Variants in MGST1 observed in about 807,000 individuals in gnomAD.
The protein encoded by MGST1 is microsomal glutathione S-transferase 1.
A neutral mutation model predicts 8.9 loss-of-function variants in MGST1; 5 were observed. That is an observed-to-expected ratio of 0.56 (90% CI 0.29 to 1.19). The LOEUF (loss-of-function observed/expected upper bound fraction) is 1.19. Among genes scored for constraint, MGST1 ranks in the 50% most tolerant of loss-of-function variants. The probability of loss-of-function intolerance (pLI) is 0.08; values close to 1 mark genes in which losing one functional copy is unlikely to be tolerated. For missense variants in MGST1, 182 were observed against 187.4 expected (o/e 0.97, Z 0.17); for synonymous variants, 54 against 67.8 (o/e 0.80, Z 1.00).
At position 16,363,789 on chromosome 12, in the gene MGST1, C is replaced by G. The variant is rs1346127192; in HGVS notation, c.222-6C>G. The G allele has an allele frequency of 1.3e-6, 2 of 1,584,014 alleles. No individual in the cohort carries two copies. The highest frequency in any genetic ancestry group is 1.7e-6 in the Non-Finnish European group (2 of 1,159,650). On this transcript the variant is annotated splice_polypyrimidine_tract_variant and splice_region_variant and intron_variant, in intron 3 of 3. Transcript: ENST00000396210. The surrounding 1 kb of genome is among the most constrained non-coding windows in gnomAD (Gnocchi z 4.6). ...TAGTGTCTTTAATAGTTATCTTTTTCCACAGAGCCCACCTGAATGACCTTG... is the reference window on the plus strand; with the variant it reads ...TAGTGTCTTTAATAGTTATCTTTTTGCACAGAGCCCACCTGAATGACCTTG...
At chr12:16,433,456 G>A (rs1347989717) in intron 1 of MGST1, among the ~76,000 whole-genome samples, 1 of 152,090 alleles carries the variant, frequency 6.6e-6, no homozygotes, top group Admixed American at 6.6e-5. Context: ...CACAGGAAGA[G>A]CTCATGTTTC....
At chr12:16,394,532 TTC>T (rs756002081) in intron 1 of MGST1, among the ~76,000 whole-genome samples, 30 of 71,162 alleles carry the variant, frequency 4.2e-4, no homozygotes, top group East Asian at 1.3e-3. Context: ...CTTTCTTTCT[TTC>T]TTTCTTTCTT....
intron 1 of MGST1, chr12:16,348,815 AAAAAAAG>A (rs1438503951): frequency 2.2e-4 from 33 of 152,134 alleles, no homozygotes; most frequent in African/African-American, 7.7e-4. Context: ...AAAAAAAAAA[AAAAAAAG>A]GCAAATCAGT....
chr12:16,573,235 T>A (rs1268611280), intron 4 of MGST1, among the ~76,000 whole-genome samples: 1 of 151,648 alleles, frequency 6.6e-6, no homozygotes, highest in Non-Finnish European at 1.5e-5. Context: ...TATTTGGGGG[T>A]TTAGAGAGAA....
chr12:16,443,895 C>A (rs891068122), intron 4 of MGST1, among the ~76,000 whole-genome samples: 1 of 151,912 alleles, frequency 6.6e-6, no homozygotes, highest in Non-Finnish European at 1.5e-5. Flanking sequence ...GAATTCAAAT[C>A]CATAACAAGA....
intron 1 of MGST1, among the ~76,000 whole-genome samples, chr12:16,406,471 A>G (rs1290341369): frequency 6.6e-6 from 1 of 152,268 alleles, no homozygotes; most frequent in African/African-American, 2.4e-5. Flanking sequence ...CAATATCATT[A>G]AAATGACCAT....
At chr12:16,377,253 G>A (rs556813136), downstream of MGST1, 11 of 150,464 alleles carry the variant, frequency 7.3e-5, no homozygotes, top group East Asian at 2.0e-4. Flanking sequence ...CCATTAACTC[G>A]TCATTTAGCA....
intron 1 of MGST1, among the ~76,000 whole-genome samples, chr12:16,420,585 G>A (rs1940826613): frequency 6.6e-6 from 1 of 152,154 alleles, no homozygotes; most frequent in Admixed American, 6.5e-5. Flanking sequence ...GCAGAGCTGA[G>A]TTGTGATGCA....
In MGST1 at chr12:16,513,778, T is replaced by C. The variant is rs1941592646; in HGVS notation, n.483-75750T>C. 10 of 591,792 alleles carry C rather than the reference T, an allele frequency of 1.7e-5. No individual in the cohort carries two copies. In the Admixed American group the frequency reaches 1.9e-4, roughly 11 times the overall value. 36.7% of individuals were successfully genotyped at this position (591,792 alleles called of 1,614,324 possible). ...CCGGTTTGTCACTGTGCAGACCATT[T>C]CTGGAACTAGTGCCTTAAGGATCAG... On this transcript the variant is annotated intron_variant and non_coding_transcript_variant, in intron 4 of 4. Coordinates refer to the MGST1 transcript ENST00000538857. The surrounding 1 kb of genome is among the most constrained non-coding windows in gnomAD (Gnocchi z 4.2).
rs1824937755 is a variant in MGST1 at position 16,575,761 on chromosome 12, CTTAAAGATCACT to C, written n.483-13764_483-13753del. 2.0e-5 allele frequency among the ~76,000 whole-genome samples: 3 copies of C among 152,294 alleles called. No individual in the cohort carries two copies. The South Asian group carries it at 6.2e-4, about 32-fold the overall frequency. On this transcript the variant is annotated intron_variant and non_coding_transcript_variant, in intron 4 of 4. Coordinates refer to the MGST1 transcript ENST00000538857. Reference sequence around the variant, plus strand: ...CCTCAGAGGCTATTCACTACTACCTCTTAAAGATCACTTTTCATGTCCTGACCTGTAGGAAGT... The same window carrying C: ...CCTCAGAGGCTATTCACTACTACCTCTTTCATGTCCTGACCTGTAGGAAGT...
chr12:16,462,555 C>CTAA (rs1941228739), intron 4 of MGST1, among the ~76,000 whole-genome samples: 1 of 151,288 alleles, frequency 6.6e-6, no homozygotes, highest in African/African-American at 2.4e-5. Context: ...TTTACCCCCC[C>CTAA]AAAAAAAACT....
chr12:16,441,638 C>T (rs1264670028), downstream of MGST1, among the ~76,000 whole-genome samples: 4 of 151,650 alleles, frequency 2.6e-5, no homozygotes, highest in Non-Finnish European at 5.9e-5. Context: ...ATTTTAGTGT[C>T]CTCCGTGTCT....
chr12:16,521,084 T>A (rs1565468630), intron 4 of MGST1, among the ~76,000 whole-genome samples: 1 of 152,140 alleles, frequency 6.6e-6, no homozygotes, highest in Non-Finnish European at 1.5e-5. Flanking sequence ...AGCACGCAAT[T>A]GATTACCGCT....
At position 16,363,772 on chromosome 12, in the gene MGST1, T is replaced by C; in HGVS notation, c.222-23T>C. ...ATCTAGTATTTTGAAATTAGTGTCTTTAATAGTTATCTTTTTCCACAGAGC... is the reference window on the plus strand; with the variant it reads ...ATCTAGTATTTTGAAATTAGTGTCTCTAATAGTTATCTTTTTCCACAGAGC... On this transcript the variant is annotated intron_variant, in intron 3 of 3. Transcript: ENST00000396210. This position sits in a 1 kb window ranked among gnomAD's most constrained non-coding sequence, Gnocchi z 4.6. 1 of 1,568,424 alleles carries C rather than the reference T, an allele frequency of 6.4e-7. No individual in the cohort carries two copies. Among genetic ancestry groups the C allele is most frequent in the Non-Finnish European group, 8.7e-7 (1 of 1,149,704 alleles).
At chr12:16,391,913 T>G (rs1353730024) in intron 1 of MGST1, among the ~76,000 whole-genome samples, 1 of 152,244 alleles carries the variant, frequency 6.6e-6, no homozygotes, top group Non-Finnish European at 1.5e-5. Flanking sequence ...CTTGAGTTGA[T>G]TTTTGTATGT....
chr12:16,485,252 C>G (rs188749915), intron 4 of MGST1, among the ~76,000 whole-genome samples: 3 of 152,228 alleles, frequency 2.0e-5, no homozygotes, highest in African/African-American at 2.4e-5. Context: ...ATCGAATGCT[C>G]GTTGTCTCAA....
At chr12:16,531,776 G>T (rs981400052) in intron 4 of MGST1, among the ~76,000 whole-genome samples, 1 of 152,158 alleles carries the variant, frequency 6.6e-6, no homozygotes, top group African/African-American at 2.4e-5. Context: ...GCGCTTCTTT[G>T]TGCGGTATTG....
intron 1 of MGST1, among the ~76,000 whole-genome samples, chr12:16,426,280 T>C (rs1337405691): frequency 6.6e-6 from 1 of 152,204 alleles, no homozygotes; most frequent in Non-Finnish European, 1.5e-5. Flanking sequence ...CTTCCCTGCA[T>C]CTGTGGTTTT....
chr12:16,511,050 A>G (rs1209593687), intron 4 of MGST1, among the ~76,000 whole-genome samples: 1 of 152,216 alleles, frequency 6.6e-6, no homozygotes, highest in Admixed American at 6.5e-5. Context: ...TATTTTACAA[A>G]GGCTATGTTT....
Sources: gnomAD v4.1 joint callset for allele counts (sites outside exome capture counted in the v4.1 genomes callset) on GRCh38, gnomAD v4.1.1 for gene constraint, Gnocchi (gnomAD v3.1) non-coding constraint, MANE v1.5 for transcripts, NCBI Gene and HGNC (gene_info 2026-07-23, HGNC 2026-07-21) for gene names.